AKAP13: variants seen among roughly 807,000 people sequenced by gnomAD.
AKAP13 encodes the protein A-kinase anchor protein 13.
Under a neutral mutation model 264.5 loss-of-function variants are expected in AKAP13, and 80 were observed. That is an observed-to-expected ratio of 0.30 (90% CI 0.25 to 0.36). AKAP13 has a LOEUF of 0.36. Among genes scored for constraint, AKAP13 ranks in the 10% least tolerant of loss-of-function variants. The pLI, the probability that AKAP13 is intolerant of heterozygous loss-of-function variation, is 1.00. For synonymous variants in AKAP13, 1,380 were observed against 1,250.2 expected (o/e 1.10, Z -2.19); for missense variants, 3,712 against 3,435.2 (o/e 1.08, Z -2.01).
Position 85,533,757 on chromosome 15 carries a change from C to G in AKAP13, c.355C>G (p.Leu119Val). 6.2e-7 allele frequency: 1 copy of G among 1,614,162 alleles called. No individual in the cohort carries two copies. Reference sequence around the variant, plus strand: ...GCAGGCTTTGAACTTTACCCGTTTTCTTGACCAGTCAGGACCCCCATCTGG... The same window carrying G: ...GCAGGCTTTGAACTTTACCCGTTTTGTTGACCAGTCAGGACCCCCATCTGG... ...NQQALNFTRFLDQSGPPSGDV... is the reference protein window; with the variant it reads ...NQQALNFTRFVDQSGPPSGDV... Residue 119 changes from leucine to valine, a missense_variant, in exon 4 of 37, where the codon CTT (leucine) becomes GTT (valine). Physicochemically the swap from Leu to Val is conservative, Grantham distance 32 (BLOSUM62 1). Transcript: ENST00000394518.
At position 85,664,660 on chromosome 15, in the gene AKAP13, C is replaced by T; in HGVS notation, c.4897C>T (p.Pro1633Ser). The T allele has an allele frequency of 6.2e-7, 1 of 1,614,074 alleles. No individual in the cohort carries two copies. Among genetic ancestry groups the T allele is most frequent in the Non-Finnish European group, 8.5e-7 (1 of 1,179,968 alleles). Residue 1633 changes from proline (P) to serine (S), a missense_variant, in exon 13 of 37, where the codon CCA (proline) becomes TCA (serine). This residue lies in a region of AKAP13 where 2,759 missense variants were observed against 2,411.7 expected (regional missense o/e 1.14). Coordinates refer to ENST00000394518, the MANE Select transcript of AKAP13 (RefSeq NM_007200.5). Reference protein sequence around the residue: ...SSANAEELRHPFSGEERVDSL... With the variant: ...SSANAEELRHSFSGEERVDSL... ...TGCAAATGCCGAAGAGCTCAGACAC[C>T]CATTCAGTGGTGAGGAACGGGTTGA...
chr15:85,509,556 T>C (rs1235848289), intron 2 of AKAP13, among the ~76,000 whole-genome samples: 1 of 152,200 alleles, frequency 6.6e-6, no homozygotes, highest in African/African-American at 2.4e-5. Flanking sequence ...GTTCTCATCC[T>C]AAGGAGCCTT....
At chr15:85,465,108 T>A (rs981968599) in intron 1 of AKAP13, among the ~76,000 whole-genome samples, 2 of 50,712 alleles carry the variant, frequency 3.9e-5, no homozygotes, top group Non-Finnish European at 7.6e-5. Flanking sequence ...GCCTGGCTAA[T>A]TTTTTTTTTT....
intron 2 of AKAP13, among the ~76,000 whole-genome samples, chr15:85,497,810 A>G (rs1252024994): frequency 6.6e-6 from 1 of 152,204 alleles, no homozygotes; most frequent in Non-Finnish European, 1.5e-5. Context: ...GGTTTTACAC[A>G]GGATAACAGT....
In AKAP13 at chr15:85,461,460, C is replaced by G. The variant is rs148696215; in HGVS notation, c.-11-24250C>G. Among the ~76,000 whole-genome samples, 57 of 152,262 alleles carry G rather than the reference C, an allele frequency of 3.7e-4. 1 individual carries two copies. Among genetic ancestry groups the G allele is most frequent in the African/African-American group, 1.3e-3 (52 of 41,552 alleles). On this transcript the variant is annotated intron_variant, in intron 1 of 36. Transcript: ENST00000394518. ...TCCTCAGAACTTTGCACAGTGCTAACACAGTGTTAACCCTGAAAAGTTTGA... is the reference window on the plus strand; with the variant it reads ...TCCTCAGAACTTTGCACAGTGCTAAGACAGTGTTAACCCTGAAAAGTTTGA...
At chr15:85,562,574 A>AAAAAAAAAAAT (rs1351834745) in intron 5 of AKAP13, among the ~76,000 whole-genome samples, 1 of 77,668 alleles carries the variant, frequency 1.3e-5, no homozygotes, top group African/African-American at 4.0e-5. Context: ...CAAAAAAAAA[A>AAAAAAAAAAAT]ATATATATAT....
intron 21 of AKAP13, 136 bp from the exon 22 acceptor site, chr15:85,717,871 T>C: frequency 1.2e-6 from 1 of 826,298 alleles, no homozygotes. Context: ...TTTCTGGTAC[T>C]AGAATATGAT....
chr15:85,744,431 A>T (rs2089297842), intron 36 of AKAP13, 197 bp from the exon 37 acceptor site: 1 of 600,946 alleles, frequency 1.7e-6, no homozygotes, highest in Non-Finnish European at 3.0e-6. Context: ...AGTTAAAGGG[A>T]GCATTAGGCA....
At chr15:85,530,127 A>C (rs915311258) in intron 3 of AKAP13, among the ~76,000 whole-genome samples, 1 of 152,228 alleles carries the variant, frequency 6.6e-6, no homozygotes, top group African/African-American at 2.4e-5. Context: ...CTAATGCAGC[A>C]GAAAGAGATA....
intron 14 of AKAP13, among the ~76,000 whole-genome samples, chr15:85,673,224 A>T (rs1440317360): frequency 6.6e-6 from 1 of 152,186 alleles, no homozygotes; most frequent in African/African-American, 2.4e-5. Context: ...AAATCTACTG[A>T]TGTAAAGGAA....
chr15:85,577,335 C>T (rs201811664), intron 6 of AKAP13, among the ~76,000 whole-genome samples: 1 of 22,942 alleles, frequency 4.4e-5, no homozygotes, highest in Non-Finnish European at 1.2e-4. Flanking sequence ...GAATGAATGG[C>T]GAGCAAACCA....
intron 5 of AKAP13, among the ~76,000 whole-genome samples, chr15:85,563,761 C>A (rs141559041): frequency 6.6e-6 from 1 of 152,304 alleles, no homozygotes; most frequent in East Asian, 1.9e-4. Context: ...TTATTGACTG[C>A]CTACTGTGTG....
chr15:85,503,250 T>A (rs908546900), intron 2 of AKAP13, among the ~76,000 whole-genome samples: 1 of 152,202 alleles, frequency 6.6e-6, no homozygotes, highest in Admixed American at 6.5e-5. Flanking sequence ...TTCCATCCTC[T>A]TAGAGTTTAC....
intron 8 of AKAP13, among the ~76,000 whole-genome samples, chr15:85,593,640 A>T (rs963439983): frequency 6.6e-6 from 1 of 151,812 alleles, no homozygotes; most frequent in Non-Finnish European, 1.5e-5. Flanking sequence ...AAAATCAATT[A>T]TATTAGAATC....
chr15:85,496,864 G>A (rs774989507), intron 2 of AKAP13, among the ~76,000 whole-genome samples: 6 of 152,200 alleles, frequency 3.9e-5, no homozygotes, highest in Admixed American at 1.3e-4. Context: ...GGGTTCCTCC[G>A]TCTAGCTTTT....
At position 85,709,786 on chromosome 15, in the gene AKAP13, C is replaced by G. The variant is rs192680247; in HGVS notation, c.5533-793C>G. Among the ~76,000 whole-genome samples the G allele has an allele frequency of 2.5e-3, 385 of 152,160 alleles. 6 individuals carry two copies. In the South Asian group the frequency reaches 0.031, roughly 12 times the overall value. ...CACTGCAACCTCCATGTCCCAGGTT[C>G]AAGCAATTCTCTTGCCTCAGCCTCC... On this transcript the variant is annotated intron_variant, in intron 18 of 36. Transcript: ENST00000394518.
chr15:85,671,973 C>T (rs2083955167), intron 14 of AKAP13, among the ~76,000 whole-genome samples: 1 of 152,156 alleles, frequency 6.6e-6, no homozygotes, highest in African/African-American at 2.4e-5. Context: ...CTTCACAAAA[C>T]ACGGTGCTTT....
intron 10 of AKAP13, among the ~76,000 whole-genome samples, chr15:85,649,733 GTTCC>G (rs2082719262): frequency 6.6e-6 from 1 of 152,134 alleles, no homozygotes; most frequent in African/African-American, 2.4e-5. Context: ...ATATGTGTGG[GTTCC>G]TAAGGTCTTT....
Position 85,710,607 on chromosome 15 carries a change from A to T in AKAP13, c.5561A>T (p.Asp1854Val). ...CCCAAAGGGAGCCTTCAGGCACATG[A>T]CACATCATCACTGCCCACGGTCATT... ...KQPKGSLQAH[D>V]TSSLPTVIMR... The change falls in exon 19 of 37, where the codon GAC (aspartate) becomes GTC (valine). Residue 1854 changes from aspartate (D) to valine (V), a missense_variant. Physicochemically the swap from Asp to Val is radical, Grantham distance 152. Transcript: ENST00000394518. 1 of 1,614,030 alleles carries T rather than the reference A, an allele frequency of 6.2e-7. No homozygotes were observed. The highest frequency in any genetic ancestry group is 8.5e-7 in the Non-Finnish European group (1 of 1,179,962).
Sources: gnomAD v4.1 joint callset for allele counts (sites outside exome capture counted in the v4.1 genomes callset) on GRCh38, gnomAD v4.1.1 for gene constraint, gnomAD v4.1.1 regional missense constraint, MANE v1.5 for transcripts, NCBI Gene and HGNC (gene_info 2026-07-23, HGNC 2026-07-21) for gene names.